HIBADH: variants seen among roughly 807,000 people sequenced by gnomAD.
HIBADH encodes 3-hydroxyisobutyrate dehydrogenase.
In HIBADH, 25 loss-of-function variants were observed where a neutral mutation model predicts 36.1. That is an observed-to-expected ratio of 0.69 (90% confidence interval 0.50 to 0.97). The LOEUF (loss-of-function observed/expected upper bound fraction) is 0.97, where lower values mean the gene tolerates loss of function less well. HIBADH is among the 50% of genes least tolerant of loss of function. HIBADH has a pLI of 0.00. For synonymous variants in HIBADH, 160 were observed against 149.5 expected, an observed-to-expected ratio of 1.07 and a Z score of -0.51; for missense variants, 421 against 418.0, an observed-to-expected ratio of 1.01 and a Z score of -0.06.
At chr7:27,607,146 T>G (rs1466268873) in intron 4 of HIBADH, among the ~76,000 whole-genome samples, 1 of 152,184 alleles carries the variant, frequency 6.6e-6, no homozygotes, top group African/African-American at 2.4e-5. Context: ...TGTGTACTAA[T>G]AAGAATGTAA....
At chr7:27,622,485 A>C (rs1115346) in intron 4 of HIBADH, among the ~76,000 whole-genome samples, 1 of 151,846 alleles carries the variant, frequency 6.6e-6, no homozygotes, top group East Asian at 1.9e-4. Flanking sequence ...AAGGATCAAC[A>C]AAACAAAAAT....
rs75598358 is a variant in HIBADH at position 27,581,052 on chromosome 7, C to T, written c.485-37952G>A. On this transcript the variant is annotated intron_variant, in intron 4 of 7. Coordinates refer to ENST00000265395, the MANE Select transcript of HIBADH (RefSeq NM_152740.4). ...CATCAGCTGACACTGCGTGAGGATA[C>T]CAGAGGCATAGAGACAAGAGAAGGT... Among the ~76,000 whole-genome samples, 727 of 152,162 alleles carry T rather than the reference C, an allele frequency of 4.8e-3. 5 individuals are homozygous for T. The highest frequency in any genetic ancestry group is 0.017 in the African/African-American group (700 of 41,536).
intron 1 of HIBADH, among the ~76,000 whole-genome samples, chr7:27,660,314 A>C (rs752062674): frequency 1.3e-5 from 2 of 152,224 alleles, no homozygotes; most frequent in Non-Finnish European, 2.9e-5. Flanking sequence ...TAATGTCAGA[A>C]AAGTTAACAC....
At chr7:27,614,435 AT>A (rs773415776) in intron 4 of HIBADH, among the ~76,000 whole-genome samples, 1 of 152,228 alleles carries the variant, frequency 6.6e-6, no homozygotes, top group Non-Finnish European at 1.5e-5. Context: ...GGCTCAAAAT[AT>A]TTAACATCAG....
intron 1 of HIBADH, among the ~76,000 whole-genome samples, chr7:27,659,551 C>CA (rs1411706073): frequency 3.4e-5 from 5 of 148,360 alleles, no homozygotes; most frequent in East Asian, 2.0e-4. Flanking sequence ...CCCATCTCTA[C>CA]AAAAAAAATA....
At chr7:27,537,919 G>A (rs1393932561) in intron 6 of HIBADH, among the ~76,000 whole-genome samples, 1 of 151,440 alleles carries the variant, frequency 6.6e-6, no homozygotes. Flanking sequence ...ATTTTTAAAA[G>A]GTACATAAAC....
chr7:27,637,166 T>G (rs1433585160), intron 2 of HIBADH, among the ~76,000 whole-genome samples: 2 of 152,160 alleles, frequency 1.3e-5, no homozygotes, highest in Non-Finnish European at 2.9e-5. Context: ...CAGGTTCTTT[T>G]GGGCTAAGAG....
At chr7:27,526,445 T>A in intron 7 of HIBADH, 73 bp from the exon 8 acceptor site, 1 of 1,254,086 alleles carries the variant, frequency 8.0e-7, no homozygotes, top group Non-Finnish European at 1.1e-6. Context: ...TTCCTTATGT[T>A]TTGGTTTGAA....
At chr7:27,588,271 G>C (rs1784891467) in intron 4 of HIBADH, among the ~76,000 whole-genome samples, 1 of 152,208 alleles carries the variant, frequency 6.6e-6, no homozygotes, top group Non-Finnish European at 1.5e-5. Flanking sequence ...AAATGTGTAA[G>C]GAAAGGAGGT....
At chr7:27,529,312 A>G (rs1783958015) in intron 7 of HIBADH, among the ~76,000 whole-genome samples, 1 of 152,206 alleles carries the variant, frequency 6.6e-6, no homozygotes, top group South Asian at 2.1e-4. Context: ...GCTACCATAT[A>G]TAGTGATTCC....
In HIBADH at chr7:27,531,322, GC is replaced by G; in HGVS notation, c.721del (p.Ala241LeufsTer4). 3 of 1,613,220 alleles carry G rather than the reference GC, an allele frequency of 1.9e-6. No homozygotes were observed. Among genetic ancestry groups the G allele is most frequent in the Non-Finnish European group, 2.5e-6 (3 of 1,179,474 alleles). ...TCCTGAGCTCATATTTAGGATTTTA[GC>G]CAGTAGTTTTGGGTCAAGCCCTAAC... ...IRLGLDPKLL[A>X]KILNMSSGRC... On this transcript the variant is annotated frameshift_variant, in exon 7 of 8. Coordinates refer to ENST00000265395, the MANE Select transcript of HIBADH (RefSeq NM_152740.4). LOFTEE classifies it high-confidence loss of function.
intron 4 of HIBADH, among the ~76,000 whole-genome samples, chr7:27,616,008 G>T (rs1410377363): frequency 6.6e-6 from 1 of 152,172 alleles, no homozygotes; most frequent in Non-Finnish European, 1.5e-5. Context: ...AATTTATAAA[G>T]AATAGAGGTT....
intron 2 of HIBADH, among the ~76,000 whole-genome samples, chr7:27,637,720 G>A (rs570128352): frequency 5.9e-5 from 9 of 152,248 alleles, no homozygotes; most frequent in Non-Finnish European, 1.0e-4. Flanking sequence ...TCCTTAAGCT[G>A]ATAAACAACT....
At chr7:27,541,763 T>C (rs1784155278) in intron 5 of HIBADH, 2 of 428,516 alleles carry the variant, frequency 4.7e-6, no homozygotes. Context: ...GCACTAAACA[T>C]GATAAAAAAA....
chr7:27,530,279 G>A (rs113463979), intron 7 of HIBADH, among the ~76,000 whole-genome samples: 3 of 151,924 alleles, frequency 2.0e-5, no homozygotes, highest in African/African-American at 7.2e-5. Flanking sequence ...TATCTCAGCT[G>A]ACTGCCATCT....
rs188688548 is a variant in HIBADH at position 27,607,984 on chromosome 7, A to C, written c.484+21387T>G. Among the ~76,000 whole-genome samples the C allele has an allele frequency of 1.4e-3, 216 of 152,294 alleles. 4 individuals are homozygous for C. The highest frequency in any genetic ancestry group is 4.9e-3 in the African/African-American group (204 of 41,550). On this transcript the variant is annotated intron_variant, in intron 4 of 7. Transcript: ENST00000265395. ...AACAAGTACTACTCTCACACATAAGAAGCATTAGGGGAAATGAAATGTAAT... is the reference window on the plus strand; with the variant it reads ...AACAAGTACTACTCTCACACATAAGCAGCATTAGGGGAAATGAAATGTAAT...
At chr7:27,626,418 C>T (rs536798576) in intron 4 of HIBADH, among the ~76,000 whole-genome samples, 23 of 152,168 alleles carry the variant, frequency 1.5e-4, no homozygotes, top group Non-Finnish European at 2.6e-4. Context: ...GCATTACTTT[C>T]GATTTTTAAA....
intron 4 of HIBADH, among the ~76,000 whole-genome samples, chr7:27,597,983 G>A (rs1438566215): frequency 6.6e-6 from 1 of 152,140 alleles, no homozygotes; most frequent in Non-Finnish European, 1.5e-5. Flanking sequence ...CAAGAAAGAA[G>A]AAAGAAACTC....
chr7:27,639,160 T>C (rs975027848), intron 2 of HIBADH, among the ~76,000 whole-genome samples: 1 of 152,138 alleles, frequency 6.6e-6, no homozygotes, highest in Non-Finnish European at 1.5e-5. Flanking sequence ...ATAGCACTAT[T>C]CACAATAGCA....
Sources: allele counts gnomAD v4.1 joint callset (sites outside exome capture counted in the v4.1 genomes callset), GRCh38; gene constraint gnomAD v4.1.1; transcripts MANE v1.5; gene names NCBI Gene and HGNC (gene_info 2026-07-23, HGNC 2026-07-21).